The following USP45 variants were observed in gnomAD, a reference collection of about 807,000 sequenced individuals.
USP45 encodes the protein ubiquitin carboxyl-terminal hydrolase 45.
A neutral mutation model predicts 95.8 loss-of-function variants in USP45; 89 were observed. That is an observed-to-expected ratio of 0.93 (90% CI 0.78 to 1.11). The LOEUF is 1.11. USP45 is among the 50% of genes least tolerant of loss of function. USP45 has a pLI of 0.00. For synonymous variants in USP45, 281 were observed against 316.2 expected (o/e 0.89, Z 1.18); for missense variants, 898 against 942.5 (o/e 0.95, Z 0.62).
intron 13 of USP45, among the ~76,000 whole-genome samples, chr6:99,459,530 TTC>T (rs1319695579): frequency 1.3e-5 from 2 of 152,176 alleles, no homozygotes; most frequent in Non-Finnish European, 1.5e-5. Context: ...CAAATGGTAG[TTC>T]TGTTTTTAGC....
At chr6:99,463,800 CAAAAAAAAAAAAA>C (rs398002416) in intron 13 of USP45, among the ~76,000 whole-genome samples, 9 of 84,460 alleles carry the variant, frequency 1.1e-4, no homozygotes, top group Admixed American at 2.9e-4. Flanking sequence ...GACTCCATCT[CAAAAAAAAAAAAA>C]AAAAAAAAAA....
chr6:99,443,555 A>G lies in USP45; in HGVS notation c.2073+10T>C. The G allele has an allele frequency of 6.3e-7, 1 of 1,593,606 alleles. No individual in the cohort carries two copies. Among genetic ancestry groups the G allele is most frequent in the Non-Finnish European group, 8.6e-7 (1 of 1,167,344 alleles). ...ATGATGAAAATTATGGTGCTACTGA[A>G]GAAACTTACCTGATGAAATCTTTTC... On this transcript the variant is annotated intron_variant, in intron 15 of 17. Coordinates refer to ENST00000500704, the MANE Select transcript of USP45 (RefSeq NM_001346022.3).
Position 99,445,825 on chromosome 6 carries a change from CTGTT to C in USP45, c.1943_1946del (p.Lys648ArgfsTer14), listed in dbSNP as rs1388986757. Reference sequence around the variant, plus strand: ...CAAAACTGGTTTCTTCTTGGTACTTCTGTTTGTTTTTAGTACAATTCTCACATAG... The same window carrying C: ...CAAAACTGGTTTCTTCTTGGTACTTCTGTTTTTAGTACAATTCTCACATAG... On this transcript the variant is annotated frameshift_variant, in exon 14 of 18. Transcript: ENST00000500704. LOFTEE classifies it high-confidence loss of function. 3.2e-6 allele frequency: 5 copies of C among 1,583,162 alleles called. No homozygotes were observed. The highest frequency in any genetic ancestry group is 4.3e-6 in the Non-Finnish European group (5 of 1,169,058).
At chr6:99,510,518 T>G (rs1453443883) in intron 1 of USP45, among the ~76,000 whole-genome samples, 1 of 152,196 alleles carries the variant, frequency 6.6e-6, no homozygotes, top group Non-Finnish European at 1.5e-5. Context: ...TGATGATACT[T>G]GGAGGTGAAG....
Position 99,503,852 on chromosome 6 carries a change from C to T in USP45, c.391G>A (p.Asp131Asn), listed in dbSNP as rs767161400. ...STWIIWCYEC[D>N]EKLSTHCNKK... The stretch of plus-strand genomic sequence containing the variant: ...TTACAATGCGTTGATAATTTTTCAT[C>T]ACATTCATAACACCTGAAAAAGTAT... Residue 131 changes from aspartate to asparagine, a missense_variant, in exon 5 of 18, where the codon GAT (aspartate) becomes AAT (asparagine). Asp to Asn is a conservative substitution (Grantham distance 23, BLOSUM62 1). Transcript: ENST00000500704. 1 of 1,586,654 alleles carries T rather than the reference C, an allele frequency of 6.3e-7. No individual in the cohort carries two copies. Among genetic ancestry groups the T allele is most frequent in the African/African-American group, 1.4e-5 (1 of 74,028 alleles).
At chr6:99,439,718 C>T (rs1374696639) in intron 16 of USP45, 51 bp downstream of exon 16, 1 of 1,310,106 alleles carries the variant, frequency 7.6e-7, no homozygotes, top group Non-Finnish European at 1.0e-6. Flanking sequence ...ATATAGGATA[C>T]TTTCAAGCAT....
intron 8 of USP45, among the ~76,000 whole-genome samples, chr6:99,480,077 C>T (rs1443853997): frequency 1.3e-5 from 2 of 151,994 alleles, no homozygotes; most frequent in African/African-American, 2.4e-5. Context: ...GGTCAACATA[C>T]AAAAATCAAC....
At chr6:99,511,362 T>C (rs2128819331) in intron 1 of USP45, among the ~76,000 whole-genome samples, 1 of 151,640 alleles carries the variant, frequency 6.6e-6, no homozygotes, top group East Asian at 2.0e-4. Flanking sequence ...ACTGTGTTAG[T>C]CAGAATGGTC....
chr6:99,491,170 TG>T (rs1265041362), intron 5 of USP45, among the ~76,000 whole-genome samples: 1 of 152,066 alleles, frequency 6.6e-6, no homozygotes, highest in African/African-American at 2.4e-5. Flanking sequence ...CACTAGAGCT[TG>T]GGGGCAAAGG....
At chr6:99,470,007 G>C (rs1788999461) in intron 9 of USP45, among the ~76,000 whole-genome samples, 1 of 152,104 alleles carries the variant, frequency 6.6e-6, no homozygotes, top group Non-Finnish European at 1.5e-5. Flanking sequence ...AAGGAAGAAA[G>C]ACAAGAACAC....
chr6:99,471,025 T>C (rs975857146), intron 9 of USP45, among the ~76,000 whole-genome samples: 2 of 152,136 alleles, frequency 1.3e-5, no homozygotes, highest in African/African-American at 4.8e-5. Context: ...AAGTTACCAA[T>C]TCAAGCAGCA....
intron 10 of USP45, among the ~76,000 whole-genome samples, chr6:99,467,469 CT>C (rs2128637854): frequency 6.6e-6 from 1 of 152,046 alleles, no homozygotes; most frequent in Admixed American, 6.6e-5. Context: ...TTTCAAACTT[CT>C]TTTTTGAGCC....
At chr6:99,507,555 T>C in intron 3 of USP45, 24 bp from the exon 4 acceptor site, 1 of 1,421,486 alleles carries the variant, frequency 7.0e-7, no homozygotes, top group African/African-American at 1.4e-5. Flanking sequence ...GAATTTTATT[T>C]TGTATGACTT....
At chr6:99,451,519 C>T (rs1166083430) in intron 13 of USP45, among the ~76,000 whole-genome samples, 2 of 152,016 alleles carry the variant, frequency 1.3e-5, no homozygotes, top group Non-Finnish European at 2.9e-5. Flanking sequence ...CACTGCTCAA[C>T]AAAATAAAAG....
In USP45 at chr6:99,514,220, G is replaced by A. The variant is rs192027289; in HGVS notation, c.-11+1172C>T. ...AAAAAGACACAAGCGGAGTCTGGAG[G>A]AATCACGTGTAGGCTCCTTATGCGG... On this transcript the variant is annotated intron_variant, in intron 1 of 17. Coordinates refer to ENST00000500704, the MANE Select transcript of USP45 (RefSeq NM_001346022.3). Among the ~76,000 whole-genome samples the A allele has an allele frequency of 1.9e-3, 282 of 152,304 alleles. 1 individual carries two copies. The highest frequency in any genetic ancestry group is 0.017 in the Middle Eastern group (5 of 294).
chr6:99,507,666 A>C, intron 3 of USP45, 135 bp from the exon 4 acceptor site: 1 of 602,696 alleles, frequency 1.7e-6, no homozygotes, highest in Non-Finnish European at 2.9e-6. Flanking sequence ...GTTTCAAAAA[A>C]GTAATATGGA....
At position 99,510,151 on chromosome 6, in the gene USP45, G is replaced by A; in HGVS notation, c.70C>T (p.His24Tyr). Residue 24 changes from histidine to tyrosine, a missense_variant, in exon 2 of 18, where the codon CAT becomes TAT. Coordinates refer to ENST00000500704, the MANE Select transcript of USP45 (RefSeq NM_001346022.3). ...AKRSKRPTVP[H>Y]DEDSSDDIAV... is the part of the protein sequence containing the mutation. Reference sequence around the variant, plus strand: ...ATATCATCTGAAGAGTCTTCATCATGAGGTACAGTAGGCCTTTTACTTCTT... The same window carrying A: ...ATATCATCTGAAGAGTCTTCATCATAAGGTACAGTAGGCCTTTTACTTCTT... 6.2e-7 allele frequency: 1 copy of A among 1,613,580 alleles called. No individual in the cohort carries two copies. The highest frequency in any genetic ancestry group is 8.5e-7 in the Non-Finnish European group (1 of 1,179,606).
At chr6:99,507,579 T>A in intron 3 of USP45, 48 bp from the exon 4 acceptor site, 1 of 1,291,802 alleles carries the variant, frequency 7.7e-7, no homozygotes, top group East Asian at 2.3e-5. Context: ...AATGTTTGTT[T>A]CAAATTAATC....
chr6:99,462,789 C>T (rs1266443812), intron 13 of USP45: 1 of 610,734 alleles, frequency 1.6e-6, no homozygotes, highest in South Asian at 5.6e-5. Flanking sequence ...TTGAGACCAG[C>T]CCAGCCAACA....
Sources: gnomAD v4.1 joint callset for allele counts (sites outside exome capture counted in the v4.1 genomes callset) on GRCh38, gnomAD v4.1.1 for gene constraint, MANE v1.5 for transcripts, NCBI Gene and HGNC (gene_info 2026-07-23, HGNC 2026-07-21) for gene names.